The following N4BP2L2 variants were observed in gnomAD, a reference collection of about 807,000 sequenced individuals.
The protein encoded by N4BP2L2 is NEDD4 binding protein 2 like 2, also known as NEDD4-binding protein 2-like 2.
N4BP2L2 carries 50 observed loss-of-function variants against 56.2 expected under a neutral mutation model. The observed-to-expected ratio is 0.89, with a 90% CI of 0.71 to 1.13. The LOEUF (loss-of-function observed/expected upper bound fraction) is 1.13, where lower values mean the gene tolerates loss of function less well. Ranked by LOEUF, N4BP2L2 falls within the 50% of genes most tolerant of loss-of-function variation. N4BP2L2 has a pLI of 0.00. For synonymous variants in N4BP2L2, 203 were observed against 223.6 expected (o/e 0.91, Z 0.82); for missense variants, 689 against 693.8 (o/e 0.99, Z 0.08).
intron 3 of N4BP2L2, chr13:32,527,169 A>T: frequency 9.5e-6 from 4 of 422,198 alleles, no homozygotes; most frequent in Non-Finnish European, 1.7e-5. Context: ...TATACTGATA[A>T]ACTATTTACA....
chr13:32,483,988 A>G (rs1256336944), intron 6 of N4BP2L2, among the ~76,000 whole-genome samples: 1 of 127,828 alleles, frequency 7.8e-6, no homozygotes, highest in Non-Finnish European at 1.6e-5. Flanking sequence ...CCATCTAAAA[A>G]AGAAAAAAAA....
intron 5 of N4BP2L2, among the ~76,000 whole-genome samples, chr13:32,520,777 A>T (rs907178616): frequency 6.6e-6 from 1 of 152,218 alleles, no homozygotes; most frequent in Non-Finnish European, 1.5e-5. Flanking sequence ...AGAAGTTCAC[A>T]ATCTCTCACC....
chr13:32,536,343 T>C lies in N4BP2L2; in HGVS notation c.685A>G (p.Met229Val), dbSNP rs756530815. 9 of 1,614,112 alleles carry C rather than the reference T, an allele frequency of 5.6e-6. No homozygotes were observed. The South Asian group carries it at 6.6e-5, about 12-fold the overall frequency. The change falls in exon 2 of 6, where the codon ATG becomes GTG. Residue 229 changes from methionine (M) to valine (V), a missense_variant. Physicochemically the swap from Met to Val is conservative, Grantham distance 21. Transcript: ENST00000267068. ...TGCTGATAATCACAATGTGATGGCA[T>C]AGCTTTATTACTAAGATCTTTCTTT...
exon 6 of N4BP2L2, chr13:32,510,854 T>C (rs1242918524): frequency 1.3e-5 from 2 of 152,146 alleles, no homozygotes; most frequent in Admixed American, 1.3e-4. Flanking sequence ...TCTTGAAGAT[T>C]TCTTCATTTA....
chr13:32,441,454 C>T (rs1311158277), intron 7 of N4BP2L2, among the ~76,000 whole-genome samples: 2 of 151,842 alleles, frequency 1.3e-5, no homozygotes, highest in African/African-American at 2.4e-5. Flanking sequence ...GAGGCTGAGG[C>T]GGGTAGATCA....
intron 1 of N4BP2L2, among the ~76,000 whole-genome samples, chr13:32,537,695 A>G (rs2056894393): frequency 6.6e-6 from 1 of 152,190 alleles, no homozygotes; most frequent in African/African-American, 2.4e-5. Context: ...ATGATAACGG[A>G]AATTTGTATA....
At chr13:32,505,035 C>G (rs2090690946) in intron 6 of N4BP2L2, 1 of 152,312 alleles carries the variant, frequency 6.6e-6, no homozygotes, top group Non-Finnish European at 1.5e-5. Context: ...TCTGAGCCCA[C>G]CAGTGTGGTA....
Position 32,469,867 on chromosome 13 carries a change from C to T in N4BP2L2, c.366-25741G>A, listed in dbSNP as rs9567772. On this transcript the variant is annotated intron_variant, in intron 6 of 9. Coordinates refer to the N4BP2L2 transcript ENST00000357505. Reference sequence around the variant, plus strand: ...AGTGTTCCAGTTCAGGGAGTACCTGCTGCAGTCAAGTGGAAGTGTAAAGAC... The same window carrying T: ...AGTGTTCCAGTTCAGGGAGTACCTGTTGCAGTCAAGTGGAAGTGTAAAGAC... Among the ~76,000 whole-genome samples, 421 of 152,304 alleles carry T rather than the reference C, an allele frequency of 2.8e-3. 14 individuals are homozygous for T. In the East Asian group the frequency reaches 0.064, roughly 23 times the overall value.
In N4BP2L2 at chr13:32,438,741, T is replaced by TGAAA. The variant is rs756011782; in HGVS notation, c.2105-8_2105-5dup. ...TAGTCATCAGGCAACAAGGATTCTG[T>TGAAA]GAAAGAAAGAAAGACCTAATCTCAT... On this transcript the variant is annotated splice_region_variant and splice_polypyrimidine_tract_variant and intron_variant, in intron 7 of 9. Coordinates refer to the N4BP2L2 transcript ENST00000357505. 1.9e-4 allele frequency: 308 copies of TGAAA among 1,599,276 alleles called. 1 individual carries two copies. The highest frequency in any genetic ancestry group is 8.3e-4 in the Middle Eastern group (5 of 6,044).
exon 10 of N4BP2L2, chr13:32,432,726 C>G (rs1039395522): frequency 1.3e-5 from 2 of 152,156 alleles, no homozygotes; most frequent in African/African-American, 2.4e-5. Flanking sequence ...GCCTTACTTT[C>G]TTCTATCAAA....
chr13:32,535,453 T>C (rs1438172046), intron 2 of N4BP2L2, among the ~76,000 whole-genome samples: 1 of 152,246 alleles, frequency 6.6e-6, no homozygotes, highest in East Asian at 1.9e-4. Context: ...TCAGAAAAGA[T>C]TTTTAAATAG....
intron 2 of N4BP2L2, 61 bp downstream of exon 2, chr13:32,535,708 A>T: frequency 6.5e-7 from 1 of 1,529,850 alleles, no homozygotes; most frequent in Non-Finnish European, 8.8e-7. Context: ...CCGGCGACAA[A>T]TATCATTTAT....
intron 6 of N4BP2L2, among the ~76,000 whole-genome samples, chr13:32,497,189 A>C (rs1188393020): frequency 6.6e-6 from 1 of 152,226 alleles, no homozygotes; most frequent in Non-Finnish European, 1.5e-5. Flanking sequence ...AGAGAGGGAA[A>C]ACATGAGTTG....
intron 2 of N4BP2L2, among the ~76,000 whole-genome samples, chr13:32,532,988 G>A (rs1423528720): frequency 4.0e-5 from 6 of 151,788 alleles, no homozygotes; most frequent in Admixed American, 2.0e-4. Flanking sequence ...GCCTCCCAAA[G>A]TGCTGGGATT....
chr13:32,447,799 T>C (rs2077273983), intron 6 of N4BP2L2, among the ~76,000 whole-genome samples: 1 of 152,220 alleles, frequency 6.6e-6, no homozygotes, highest in African/African-American at 2.4e-5. Flanking sequence ...ATGTCTTTTT[T>C]TCGTTGTTTT....
At chr13:32,442,465 C>T (rs778685102) in exon 7 of N4BP2L2, 2 of 1,612,908 alleles carry the variant, frequency 1.2e-6, no homozygotes, top group Non-Finnish European at 1.7e-6. Flanking sequence ...CTCAAGGGAA[C>T]GGTAGTCAGT....
chr13:32,509,557 G>A (rs553313750), downstream of N4BP2L2, among the ~76,000 whole-genome samples: 2 of 152,220 alleles, frequency 1.3e-5, no homozygotes, highest in South Asian at 4.2e-4. Flanking sequence ...ACACAGTAGT[G>A]ATCCAAAGAT....
At chr13:32,466,206 T>TAGTGAA (rs1167703221) in intron 6 of N4BP2L2, among the ~76,000 whole-genome samples, 1 of 152,152 alleles carries the variant, frequency 6.6e-6, no homozygotes, top group African/African-American at 2.4e-5. Context: ...TATGATATTG[T>TAGTGAA]AGTGAAAATA....
At chr13:32,481,298 T>C (rs930880952) in intron 6 of N4BP2L2, among the ~76,000 whole-genome samples, 2 of 151,974 alleles carry the variant, frequency 1.3e-5, no homozygotes, top group Non-Finnish European at 2.9e-5. Flanking sequence ...AGAGAGTGCA[T>C]AGTCAAAGCT....
Sources: gnomAD v4.1 joint callset for allele counts (sites outside exome capture counted in the v4.1 genomes callset) on GRCh38, gnomAD v4.1.1 for gene constraint, MANE v1.5 for transcripts, NCBI Gene and HGNC (gene_info 2026-07-23, HGNC 2026-07-21) for gene names.